Variants in STK10 observed in about 807,000 individuals in gnomAD.
The protein encoded by STK10 is serine/threonine kinase 10.
STK10 carries 78 observed loss-of-function variants against 113.8 expected under a neutral mutation model. That is an observed-to-expected ratio of 0.69 (90% CI 0.57 to 0.83). The LOEUF is 0.83. Among genes scored for constraint, STK10 ranks in the 40% least tolerant of loss-of-function variants. STK10 has a pLI of 0.00. For missense variants in STK10, 1,109 were observed against 1,280.1 expected (o/e 0.87, Z 2.04); for synonymous variants, 465 against 494.7 (o/e 0.94, Z 0.80).
intron 3 of STK10, 103 bp downstream of exon 3, chr5:172,127,270 A>AG: frequency 7.9e-7 from 1 of 1,265,364 alleles, no homozygotes; most frequent in South Asian, 1.3e-5. Flanking sequence ...ATGGAATGGG[A>AG]GAGTGGAGGT....
intron 1 of STK10, among the ~76,000 whole-genome samples, chr5:172,185,673 G>C (rs931231469): frequency 5.3e-5 from 8 of 152,244 alleles, no homozygotes; most frequent in African/African-American, 1.9e-4. Flanking sequence ...CCTCACAGTA[G>C]TCAGAGCACA....
At position 172,117,491 on chromosome 5, in the gene STK10, G is replaced by T; in HGVS notation, c.510C>A (p.Asp170Glu). 10 of 1,611,350 alleles carry T rather than the reference G, an allele frequency of 6.2e-6. No individual in the cohort carries two copies. Among genetic ancestry groups the T allele is most frequent in the Non-Finnish European group, 8.5e-6 (10 of 1,179,872 alleles). The stretch of plus-strand genomic sequence containing the variant: ...CCCTGAGCCCCTTACCCAGCCTGAT[G>T]TCTCCCTCGAGGGTCATCAGCACGT... ...AGNVLMTLEG[D>E]IRLADFGVSA... Residue 170 changes from aspartate (D) to glutamate (E), a missense_variant, in exon 4 of 19, where the codon GAC becomes GAA. Asp to Glu is a conservative substitution (Grantham distance 45). Coordinates refer to ENST00000176763, the MANE Select transcript of STK10 (RefSeq NM_005990.4).
chr5:172,052,248 G>A (rs1033454285), intron 18 of STK10, among the ~76,000 whole-genome samples: 2 of 152,160 alleles, frequency 1.3e-5, no homozygotes, highest in African/African-American at 2.4e-5. Flanking sequence ...AAGGAGTGCC[G>A]GTGGCTTCTA....
chr5:172,103,136 G>A (rs1769029715), intron 7 of STK10, among the ~76,000 whole-genome samples: 1 of 152,248 alleles, frequency 6.6e-6, no homozygotes, highest in African/African-American at 2.4e-5. Context: ...AGCACTGGAG[G>A]TGGGGGCTGG....
Position 172,096,523 on chromosome 5 carries a change from A to G in STK10, c.908T>C (p.Leu303Pro). 6.2e-7 allele frequency: 1 copy of G among 1,613,738 alleles called. No homozygotes were observed. The change falls in exon 8 of 19, where the codon CTG becomes CCG. Residue 303 changes from leucine (L) to proline (P), a missense_variant. This residue lies in a region of STK10 where 885 missense variants were observed against 991.1 expected (regional missense o/e 0.89). Transcript: ENST00000176763. ...FVSSITSNKA[L>P]RELVAEAKAE... ...CTTGGCCTCAGCCACCAGCTCCCGC[A>G]GAGCCTTGTTACTGGTGATGCTGCT... is the stretch of plus-strand genomic sequence containing the variant.
chr5:172,128,221 CAAAAAAA>C (rs35298910), intron 2 of STK10, among the ~76,000 whole-genome samples: 1 of 77,252 alleles, frequency 1.3e-5, no homozygotes, highest in Non-Finnish European at 2.5e-5. Flanking sequence ...GACTCCGTCT[CAAAAAAA>C]AAAAAAAAAA....
chr5:172,187,051 G>A lies in STK10; in HGVS notation c.156+836C>T, dbSNP rs1433919520. ...TAAAAATTTTCTTAGGGGAAAGGGG[G>A]GAGTCAAGCTGTAGGTGTTGGCTCC... is the stretch of plus-strand genomic sequence containing the variant. On this transcript the variant is annotated intron_variant, in intron 1 of 18. Coordinates refer to ENST00000176763, the MANE Select transcript of STK10 (RefSeq NM_005990.4). This position sits in a 1 kb window ranked among gnomAD's most constrained non-coding sequence, Gnocchi z 4.6. 6.6e-6 allele frequency among the ~76,000 whole-genome samples: 1 copy of A among 152,064 alleles called. No individual in the cohort carries two copies. The highest frequency in any genetic ancestry group is 2.4e-5 in the African/African-American group (1 of 41,390).
chr5:172,106,855 C>G (rs779517176), intron 5 of STK10, 41 bp from the exon 6 acceptor site: 1 of 1,571,224 alleles, frequency 6.4e-7, no homozygotes, highest in Non-Finnish European at 8.7e-7. Flanking sequence ...AGAATCTGGC[C>G]TTTACAGGTG....
At chr5:172,183,568 C>G (rs1402342203) in intron 1 of STK10, among the ~76,000 whole-genome samples, 2 of 149,228 alleles carry the variant, frequency 1.3e-5, no homozygotes, top group African/African-American at 5.1e-5. Context: ...CCTGCCTCGG[C>G]CTCCTAGTAG....
At chr5:172,105,795 C>A in intron 6 of STK10, 58 bp from the exon 7 acceptor site, 2 of 1,491,424 alleles carry the variant, frequency 1.3e-6, no homozygotes, top group Non-Finnish European at 1.9e-6. Flanking sequence ...GAGAAGCCCC[C>A]CACGTCACAG....
intron 1 of STK10, among the ~76,000 whole-genome samples, chr5:172,185,141 G>A (rs1302645037): frequency 6.6e-6 from 1 of 152,070 alleles, no homozygotes; most frequent in Non-Finnish European, 1.5e-5. Context: ...TTACCAGCAT[G>A]AAAGCAAAGT....
In STK10 at chr5:172,057,063, GA is replaced by G. The variant is rs1397891421; in HGVS notation, c.2337+285del. On this transcript the variant is annotated intron_variant, in intron 15 of 18. Coordinates refer to ENST00000176763, the MANE Select transcript of STK10 (RefSeq NM_005990.4). ...AAAGAAAGAAAGAAAAGAAGAAAGG[GA>G]AAAAAAAGAAAAGAAAGAGACATAC... is the stretch of plus-strand genomic sequence containing the variant. 3.3e-5 allele frequency: 8 copies of G among 239,604 alleles called. No homozygotes were observed. In the South Asian group the frequency reaches 4.2e-4, roughly 13 times the overall value. The allele number at this position is 239,604 out of a possible 1,614,324, so 14.8% of individuals were successfully genotyped here.
At chr5:172,091,150 C>T (rs965532630) in intron 9 of STK10, among the ~76,000 whole-genome samples, 1 of 152,018 alleles carries the variant, frequency 6.6e-6, no homozygotes, top group Non-Finnish European at 1.5e-5. Flanking sequence ...TGCCCACTCC[C>T]GGCCTGTGTT....
intron 14 of STK10, among the ~76,000 whole-genome samples, chr5:172,060,301 G>C (rs1016308713): frequency 6.6e-6 from 1 of 152,146 alleles, no homozygotes; most frequent in Non-Finnish European, 1.5e-5. Flanking sequence ...CAGCTACTTG[G>C]GAGGCTGAAG....
chr5:172,138,915 G>A (rs1581174184), intron 2 of STK10, among the ~76,000 whole-genome samples: 1 of 152,326 alleles, frequency 6.6e-6, no homozygotes, highest in East Asian at 1.9e-4. Context: ...TCGGGAGGCT[G>A]AGGCAGGAGA....
At position 172,082,538 on chromosome 5, in the gene STK10, G is replaced by A. The variant is rs867660708; in HGVS notation, c.1810-33C>T. 2.7e-5 allele frequency: 42 copies of A among 1,547,964 alleles called. No homozygotes were observed. Among genetic ancestry groups the A allele is most frequent in the South Asian group, 1.9e-4 (15 of 80,288 alleles). On this transcript the variant is annotated intron_variant, in intron 11 of 18. Coordinates refer to ENST00000176763, the MANE Select transcript of STK10 (RefSeq NM_005990.4). The surrounding 1 kb of genome is among the most constrained non-coding windows in gnomAD (Gnocchi z 4.3). Reference sequence around the variant, plus strand: ...GAGCAGAAATTCTGAGAAACTTAGCGAAGTCACTTTATACCTGGGAGGGAC... The same window carrying A: ...GAGCAGAAATTCTGAGAAACTTAGCAAAGTCACTTTATACCTGGGAGGGAC...
intron 4 of STK10, 89 bp from the exon 5 acceptor site, chr5:172,107,941 C>T (rs766149757): frequency 1.1e-5 from 12 of 1,082,560 alleles, no homozygotes; most frequent in South Asian, 2.7e-5. Context: ...CATTCCAAGT[C>T]GACTAACAGA....
At chr5:172,125,912 T>C (rs1452594910) in intron 3 of STK10, among the ~76,000 whole-genome samples, 2 of 152,234 alleles carry the variant, frequency 1.3e-5, no homozygotes, top group Admixed American at 6.5e-5. Flanking sequence ...GGATTGTACT[T>C]GACAGGATTT....
At chr5:172,085,369 G>A (rs756504996) in intron 10 of STK10, among the ~76,000 whole-genome samples, 2 of 152,016 alleles carry the variant, frequency 1.3e-5, no homozygotes, top group Non-Finnish European at 2.9e-5. Context: ...TGTTAACCAC[G>A]TTTCTTAATG....
Sources: allele counts gnomAD v4.1 joint callset (sites outside exome capture counted in the v4.1 genomes callset), GRCh38; gene constraint gnomAD v4.1.1; regional missense constraint gnomAD v4.1.1; non-coding constraint Gnocchi (gnomAD v3.1); transcripts MANE v1.5; gene names NCBI Gene and HGNC (gene_info 2026-07-23, HGNC 2026-07-21).